The following SMARCAD1 variants were observed in gnomAD, a reference collection of about 807,000 sequenced individuals.
The protein encoded by SMARCAD1 is SNF2 related chromatin remodeling ATPase with DExD box 1.
In SMARCAD1, 25 loss-of-function variants were observed where a neutral mutation model predicts 127.1. That is an observed-to-expected ratio of 0.20 (90% CI 0.14 to 0.27). The LOEUF (loss-of-function observed/expected upper bound fraction) is 0.27, where lower values mean the gene tolerates loss of function less well. Among genes scored for constraint, SMARCAD1 ranks in the 10% least tolerant of loss-of-function variants. The pLI is 1.00. For synonymous variants in SMARCAD1, 400 were observed against 396.9 expected (o/e 1.01, Z -0.09); for missense variants, 807 against 1,206.0 (o/e 0.67, Z 4.90).
chr4:94,271,575 G>A (rs1752544585), intron 11 of SMARCAD1, among the ~76,000 whole-genome samples: 1 of 152,126 alleles, frequency 6.6e-6, no homozygotes, highest in South Asian at 2.1e-4. Flanking sequence ...CTCTAAGAAA[G>A]TAATCTTTAG....
intron 9 of SMARCAD1, among the ~76,000 whole-genome samples, chr4:94,262,211 G>A (rs530901187): frequency 3.9e-5 from 6 of 152,150 alleles, no homozygotes; most frequent in South Asian, 2.1e-4. Context: ...GCTCTTTCTC[G>A]AAAATTTGGT....
intron 7 of SMARCAD1, 38 bp downstream of exon 7, chr4:94,249,793 TAA>T (rs1749002531): frequency 8.7e-7 from 1 of 1,144,612 alleles, no homozygotes; most frequent in Non-Finnish European, 1.3e-6. Flanking sequence ...CAGTGTGTAC[TAA>T]GTGTTTTTAT....
intron 3 of SMARCAD1, among the ~76,000 whole-genome samples, chr4:94,226,906 G>A (rs924397250): frequency 1.3e-5 from 2 of 150,422 alleles, no homozygotes; most frequent in Admixed American, 6.6e-5. Flanking sequence ...GTCTTGCTAT[G>A]TTGTCCAGGC....
intron 4 of SMARCAD1, among the ~76,000 whole-genome samples, chr4:94,234,358 G>A (rs771607138): frequency 7.2e-5 from 11 of 152,252 alleles, no homozygotes; most frequent in East Asian, 1.9e-4. Context: ...AGCGAACATA[G>A]GTTGTGAGTT....
Position 94,228,503 on chromosome 4 carries a change from T to C in SMARCAD1, c.368+2207T>C, listed in dbSNP as rs7689412. On this transcript the variant is annotated intron_variant, in intron 3 of 23. Transcript: ENST00000354268. ...ACTATTATCTAATATACTTTTCATA[T>C]TTCAATTTTGCCAGTTATACCAGTA... 4.6e-3 allele frequency among the ~76,000 whole-genome samples: 698 copies of C among 152,296 alleles called. 4 individuals carry two copies. Among genetic ancestry groups the C allele is most frequent in the African/African-American group, 0.016 (647 of 41,552 alleles).
chr4:94,263,684 T>TA (rs1370721236), intron 9 of SMARCAD1, among the ~76,000 whole-genome samples: 1 of 152,006 alleles, frequency 6.6e-6, no homozygotes, highest in Non-Finnish European at 1.5e-5. Context: ...AGTGATTACT[T>TA]AGAGTTGTTA....
chr4:94,280,882 C>T, intron 20 of SMARCAD1, 102 bp downstream of exon 20: 6 of 1,089,614 alleles, frequency 5.5e-6, no homozygotes, highest in Non-Finnish European at 8.3e-6. Flanking sequence ...TATGTCTGTT[C>T]TGCATTCTTC....
chr4:94,234,126 A>G lies in SMARCAD1; in HGVS notation c.537+4A>G, dbSNP rs1019410109. On this transcript the variant is annotated splice_donor_region_variant and intron_variant, in intron 4 of 23. Coordinates refer to ENST00000354268, the MANE Select transcript of SMARCAD1 (RefSeq NM_020159.5). ...AAGTGACAATGATTTACTTAAGGTT[A>G]TATTCATTGGTTATTGTAGCTGTAA... The G allele has an allele frequency of 6.3e-6, 10 of 1,588,414 alleles. No individual in the cohort carries two copies. Among genetic ancestry groups the G allele is most frequent in the Non-Finnish European group, 8.6e-6 (10 of 1,165,090 alleles).
chr4:94,273,239 A>G (rs1311885567), intron 11 of SMARCAD1, among the ~76,000 whole-genome samples: 3 of 152,188 alleles, frequency 2.0e-5, no homozygotes, highest in Non-Finnish European at 2.9e-5. Context: ...TAGATTAGGC[A>G]TATGTTTCCT....
intron 2 of SMARCAD1, among the ~76,000 whole-genome samples, chr4:94,217,304 A>G (rs1021944711): frequency 6.6e-6 from 1 of 152,174 alleles, no homozygotes; most frequent in South Asian, 2.1e-4. Context: ...TTACATTAAA[A>G]TGTCATCATT....
At position 94,236,833 on chromosome 4, in the gene SMARCAD1, A is replaced by G. The variant is rs1746732854; in HGVS notation, c.538-119A>G. The G allele has an allele frequency of 1.2e-5, 10 of 813,790 alleles. No homozygotes were observed. The South Asian group carries it at 1.3e-4, about 11-fold the overall frequency. 50.4% of individuals were successfully genotyped at this position (813,790 alleles called of 1,614,324 possible). ...TCATAGGACTTAATGAACTTAAACT[A>G]TGACACACATACTTTCCTGTCATGT... On this transcript the variant is annotated intron_variant, in intron 4 of 23. Transcript: ENST00000354268.
intron 3 of SMARCAD1, among the ~76,000 whole-genome samples, chr4:94,229,638 A>G (rs1406613691): frequency 6.6e-6 from 1 of 152,122 alleles, no homozygotes; most frequent in Non-Finnish European, 1.5e-5. Flanking sequence ...TTTAGTAGGA[A>G]ATGATACTTG....
intron 23 of SMARCAD1, among the ~76,000 whole-genome samples, chr4:94,286,463 G>T (rs1029837708): frequency 1.3e-5 from 2 of 152,178 alleles, no homozygotes; most frequent in Non-Finnish European, 2.9e-5. Context: ...AGAAGGGTAA[G>T]GATTCTGGGT....
intron 2 of SMARCAD1, among the ~76,000 whole-genome samples, chr4:94,210,418 G>A (rs936373188): frequency 6.6e-6 from 1 of 152,184 alleles, no homozygotes; most frequent in African/African-American, 2.4e-5. Flanking sequence ...ATCCATTGAA[G>A]AACTTACAGA....
chr4:94,290,231 A>G lies in SMARCAD1; in HGVS notation c.*697A>G, dbSNP rs1329408700. 2.2e-6 allele frequency: 1 copy of G among 454,430 alleles called. No individual in the cohort carries two copies. The highest frequency in any genetic ancestry group is 6.9e-5 in the East Asian group (1 of 14,392). The allele number at this position is 454,430 out of a possible 1,614,324, so 28.1% of individuals were successfully genotyped here. ...CTCCATGGATTAATTCCTTCTGTTC[A>G]TTTTCCAACTGCACTAATTGTGCAT... On this transcript the variant is annotated 3_prime_UTR_variant, in exon 24 of 24. Coordinates refer to ENST00000354268, the MANE Select transcript of SMARCAD1 (RefSeq NM_020159.5).
At chr4:94,236,383 A>T (rs962680501) in intron 4 of SMARCAD1, among the ~76,000 whole-genome samples, 1 of 152,202 alleles carries the variant, frequency 6.6e-6, no homozygotes, top group East Asian at 1.9e-4. Flanking sequence ...CAAGCAATAT[A>T]TGCATATGTT....
At chr4:94,284,057 C>G (rs1305252807) in intron 22 of SMARCAD1, among the ~76,000 whole-genome samples, 1 of 151,764 alleles carries the variant, frequency 6.6e-6, no homozygotes, top group Non-Finnish European at 1.5e-5. Context: ...CACGGTGGCT[C>G]ACACCTGTAA....
At chr4:94,284,924 T>A (rs1754717021) in intron 22 of SMARCAD1, 36 bp from the exon 23 acceptor site, 2 of 1,222,364 alleles carry the variant, frequency 1.6e-6, no homozygotes, top group South Asian at 2.4e-5. Context: ...TAACTATATT[T>A]AGTAACCAAT....
intron 9 of SMARCAD1, among the ~76,000 whole-genome samples, chr4:94,254,441 C>A (rs775777914): frequency 6.6e-6 from 1 of 151,866 alleles, no homozygotes. Context: ...AATACTTGCC[C>A]GAATATCTTA....
Sources: allele counts gnomAD v4.1 joint callset (sites outside exome capture counted in the v4.1 genomes callset), GRCh38; gene constraint gnomAD v4.1.1; transcripts MANE v1.5; gene names NCBI Gene and HGNC (gene_info 2026-07-23, HGNC 2026-07-21).